Variants in TOP3B observed in about 807,000 individuals in gnomAD.
TOP3B encodes the protein DNA topoisomerase III beta.
TOP3B carries 45 observed loss-of-function variants against 93.9 expected under a neutral mutation model. The ratio of observed to expected loss-of-function variants is 0.48; its 90% CI spans 0.38 to 0.61. The LOEUF (loss-of-function observed/expected upper bound fraction) is 0.61. Ranked by LOEUF, TOP3B falls within the 20% of genes least tolerant of loss-of-function variation. TOP3B has a pLI of 0.00. For missense variants in TOP3B, 750 were observed against 1,156.1 expected, an observed-to-expected ratio of 0.65 and a Z score of 5.09; for synonymous variants, 357 against 472.6, an observed-to-expected ratio of 0.76 and a Z score of 3.17.
In TOP3B at chr22:21,963,065, G is replaced by T; in HGVS notation, c.1205-172C>A. ...AATGTGCAGGAAGGCCGGGCGTGGT[G>T]GCTCATGCCTGTAATCCTAGCACTC... On this transcript the variant is annotated intron_variant, in intron 11 of 17. Coordinates refer to ENST00000357179, the MANE Select transcript of TOP3B (RefSeq NM_001282112.2). The surrounding 1 kb of genome is among the most constrained non-coding windows in gnomAD (Gnocchi z 4.8). 1 of 741,134 alleles carries T rather than the reference G, an allele frequency of 1.3e-6. No homozygotes were observed. The highest frequency in any genetic ancestry group is 2.2e-6 in the Non-Finnish European group (1 of 450,128). 45.9% of individuals were successfully genotyped at this position (741,134 alleles called of 1,614,324 possible). A position where few individuals can be genotyped will look rare whatever the true frequency, so the allele number is the denominator to read the frequency against.
intron 1 of TOP3B, among the ~76,000 whole-genome samples, chr22:21,981,265 T>C (rs765583891): frequency 2.0e-5 from 3 of 152,202 alleles, no homozygotes; most frequent in Non-Finnish European, 4.4e-5. Context: ...GCTGCCATTT[T>C]ATTGGCCTAG....
At position 21,970,101 on chromosome 22, in the gene TOP3B, C is replaced by T; in HGVS notation, c.581+109G>A. On this transcript the variant is annotated intron_variant, in intron 6 of 17. Transcript: ENST00000357179. The surrounding 1 kb of genome is among the most constrained non-coding windows in gnomAD (Gnocchi z 4.4). The stretch of plus-strand genomic sequence containing the variant: ...AGGGTTGGTGAAATCCCCTGTTGCT[C>T]ATCCTGGCTCGAGGAGGCCTAGGGG... 7.9e-7 allele frequency: 1 copy of T among 1,257,954 alleles called. No individual in the cohort carries two copies. Among genetic ancestry groups the T allele is most frequent in the Non-Finnish European group, 1.1e-6 (1 of 910,150 alleles). 77.9% of individuals were successfully genotyped at this position (1,257,954 alleles called of 1,614,324 possible).
At chr22:21,959,546 G>C (rs1466370033) in intron 15 of TOP3B, 41 bp downstream of exon 15, 25 of 1,565,166 alleles carry the variant, frequency 1.6e-5, no homozygotes, top group Non-Finnish European at 2.2e-5. Flanking sequence ...CTGACAGAGA[G>C]ACACCCCTCT....
intron 13 of TOP3B, 92 bp from the exon 14 acceptor site, chr22:21,960,541 C>T: frequency 6.5e-7 from 1 of 1,540,484 alleles, no homozygotes; most frequent in Non-Finnish European, 8.8e-7. Flanking sequence ...GCCCCTGGTG[C>T]TCAGGCCCTC....
At chr22:21,972,560 T>C in intron 4 of TOP3B, 52 bp downstream of exon 4, 1 of 1,365,020 alleles carries the variant, frequency 7.3e-7, no homozygotes, top group Non-Finnish European at 1.0e-6. Context: ...ACATGGCAGC[T>C]GTGGAGGGTG....
intron 7 of TOP3B, chr22:21,968,205 G>C (rs1401675402): frequency 4.3e-6 from 1 of 232,462 alleles, no homozygotes; most frequent in Non-Finnish European, 8.5e-6. Context: ...TGGGATTACA[G>C]ACATCAGTCA....
intron 13 of TOP3B, chr22:21,962,227 G>C (rs1279620318): frequency 5.3e-6 from 8 of 1,515,138 alleles, no homozygotes; most frequent in Non-Finnish European, 7.0e-6. Flanking sequence ...GGAAGGCCAG[G>C]TCCTGAATGG....
intron 6 of TOP3B, chr22:21,968,990 G>A (rs2071525368): frequency 5.4e-6 from 3 of 553,526 alleles, no homozygotes; most frequent in African/African-American, 1.9e-5. Flanking sequence ...AGGAGACAGA[G>A]GTTTCTACTG....
At chr22:21,961,299 T>A (rs1477866610) in intron 13 of TOP3B, 1 of 152,378 alleles carries the variant, frequency 6.6e-6, no homozygotes, top group African/African-American at 2.4e-5. Flanking sequence ...TGACGCGTGG[T>A]GTGGGCTCCT....
At chr22:21,975,488 G>T in intron 2 of TOP3B, 152 bp downstream of exon 2, 1 of 805,296 alleles carries the variant, frequency 1.2e-6, no homozygotes, top group Non-Finnish European at 1.8e-6. Flanking sequence ...GGAAGCAAAT[G>T]CACCCCACTG....
At position 21,975,658 on chromosome 22, in the gene TOP3B, C is replaced by A; in HGVS notation, c.52G>T (p.Ala18Ser). Residue 18 changes from alanine to serine, a missense_variant, in exon 2 of 18, where the codon GCC becomes TCC. Physicochemically the swap from Ala to Ser is moderately conservative, Grantham distance 99 (BLOSUM62 1). This residue lies in a region of TOP3B where 737 missense variants were observed against 933.7 expected (regional missense o/e 0.79). Coordinates refer to ENST00000357179, the MANE Select transcript of TOP3B (RefSeq NM_001282112.2). Reference sequence around the variant, plus strand: ...CTCCTACCTCTAGAGAGGATTTTGGCAATTGACTGTGCCAAGGACGGCTTT... The same window carrying A: ...CTCCTACCTCTAGAGAGGATTTTGGAAATTGACTGTGCCAAGGACGGCTTT... ...AEKPSLAQSIAKILSRGSLSS... is the reference protein window; with the variant it reads ...AEKPSLAQSISKILSRGSLSS... The A allele has an allele frequency of 6.2e-7, 1 of 1,611,628 alleles. No homozygotes were observed. Among genetic ancestry groups the A allele is most frequent in the South Asian group, 1.1e-5 (1 of 90,918 alleles).
In TOP3B at chr22:21,970,583, C is replaced by T; in HGVS notation, c.385-177G>A. 1.5e-6 allele frequency: 1 copy of T among 653,068 alleles called. No individual in the cohort carries two copies. The highest frequency in any genetic ancestry group is 1.9e-5 in the South Asian group (1 of 52,838). 40.5% of individuals were successfully genotyped at this position (653,068 alleles called of 1,614,324 possible). ...GCACCTGCCAGACCCTCCTCTATCC[C>T]CCTGCCTTTCCAGAAGCCCTGAGCA... On this transcript the variant is annotated intron_variant, in intron 5 of 17. Transcript: ENST00000357179. This position sits in a 1 kb window ranked among gnomAD's most constrained non-coding sequence, Gnocchi z 4.4.
rs1205993757 is a variant in TOP3B at position 21,960,460 on chromosome 22, C to T, written c.1526-11G>A. 1 of 1,613,112 alleles carries T rather than the reference C, an allele frequency of 6.2e-7. No individual in the cohort carries two copies. Among genetic ancestry groups the T allele is most frequent in the Admixed American group, 1.7e-5 (1 of 60,004 alleles). ...TGCTGGCATCCGTGCCTGCAATGTA[C>T]AAGGCCCCAGGGTTCCTGGCCTGCC... On this transcript the variant is annotated splice_polypyrimidine_tract_variant and intron_variant, in intron 13 of 17. Coordinates refer to ENST00000357179, the MANE Select transcript of TOP3B (RefSeq NM_001282112.2).
At chr22:21,959,795 C>T in intron 14 of TOP3B, 59 bp from the exon 15 acceptor site, 2 of 1,577,246 alleles carry the variant, frequency 1.3e-6, no homozygotes, top group Non-Finnish European at 8.6e-7. Flanking sequence ...GCCATGCCAC[C>T]CCTTCCCAGG....
chr22:21,964,280 G>C lies in TOP3B; in HGVS notation c.979C>G (p.Arg327Gly). ...CTGATGTAGCCTTGCGTGTAGAGCCGCTCAGCCGTCTGCATGGCGTGCTGC... is the reference window on the plus strand; with the variant it reads ...CTGATGTAGCCTTGCGTGTAGAGCCCCTCAGCCGTCTGCATGGCGTGCTGC... ...GPQHAMQTAE[R>G]LYTQGYISYP... The change falls in exon 10 of 18, where the codon CGG (arginine) becomes GGG (glycine). Residue 327 changes from arginine to glycine, a missense_variant. Arg to Gly is a moderately radical substitution (Grantham distance 125, BLOSUM62 -2). Coordinates refer to ENST00000357179, the MANE Select transcript of TOP3B (RefSeq NM_001282112.2). 1 of 1,613,790 alleles carries C rather than the reference G, an allele frequency of 6.2e-7. No homozygotes were observed. Among genetic ancestry groups the C allele is most frequent in the Non-Finnish European group, 8.5e-7 (1 of 1,179,932 alleles).
intron 1 of TOP3B, among the ~76,000 whole-genome samples, chr22:21,980,283 C>T (rs1287912427): frequency 6.6e-6 from 1 of 152,078 alleles, no homozygotes; most frequent in Non-Finnish European, 1.5e-5. Flanking sequence ...ACATTTAGCG[C>T]CTGGACACAG....
chr22:21,962,533 T>A lies in TOP3B; in HGVS notation c.1421A>T (p.Asp474Val). Residue 474 changes from aspartate to valine, a missense_variant, in exon 13 of 18, where the codon GAT (aspartate) becomes GTT (valine). Around this residue, in one of 4 missense-constraint regions of TOP3B, gnomAD observed 737 missense variants for 933.7 expected, o/e 0.79. Transcript: ENST00000357179. ...CTTCACCTCGCCCACAGGGAAGGCA[T>A]CACCCCGCTGGCAAGTGGGCAGGCT... ...EESLPTCQRG[D>V]AFPVGEVKML... 1 of 1,613,620 alleles carries A rather than the reference T, an allele frequency of 6.2e-7. No homozygotes were observed. The highest frequency in any genetic ancestry group is 1.1e-5 in the South Asian group (1 of 91,078).
intron 1 of TOP3B, chr22:21,982,470 G>T (rs970397318): frequency 6.6e-6 from 1 of 152,234 alleles, no homozygotes; most frequent in South Asian, 2.1e-4. Flanking sequence ...GTTCGAAGAA[G>T]AAAAGTATTA....
At chr22:21,967,869 A>T (rs2071475299) in intron 7 of TOP3B, 153 bp from the exon 8 acceptor site, 8 of 613,552 alleles carry the variant, frequency 1.3e-5, no homozygotes, top group Non-Finnish European at 2.3e-5. Flanking sequence ...TCAGGTGGGC[A>T]GATACGCAAG....
Sources: gnomAD v4.1 joint callset for allele counts (sites outside exome capture counted in the v4.1 genomes callset) on GRCh38, gnomAD v4.1.1 for gene constraint, gnomAD v4.1.1 regional missense constraint, Gnocchi (gnomAD v3.1) non-coding constraint, MANE v1.5 for transcripts, NCBI Gene and HGNC (gene_info 2026-07-23, HGNC 2026-07-21) for gene names.